Variants in KIF13A observed in about 807,000 individuals in gnomAD.
KIF13A encodes the protein kinesin-like protein KIF13A.
In KIF13A, 79 loss-of-function variants were observed where a neutral mutation model predicts 212.2. The ratio of observed to expected loss-of-function variants is 0.37; its 90% CI spans 0.31 to 0.45. KIF13A has a LOEUF of 0.45. KIF13A is among the 20% of genes least tolerant of loss of function. KIF13A has a pLI of 1.00. For missense variants in KIF13A, 1,901 were observed against 2,209.0 expected, an observed-to-expected ratio of 0.86 and a Z score of 2.79; for synonymous variants, 789 against 808.6, an observed-to-expected ratio of 0.98 and a Z score of 0.41.
intron 20 of KIF13A, among the ~76,000 whole-genome samples, chr6:17,801,697 G>A (rs1762486649): frequency 6.6e-6 from 1 of 152,108 alleles, no homozygotes; most frequent in African/African-American, 2.4e-5. Context: ...CAAGGTTCCC[G>A]GGCTCGCGCA....
intron 2 of KIF13A, among the ~76,000 whole-genome samples, chr6:17,965,124 G>C (rs567765083): frequency 2.6e-5 from 4 of 152,066 alleles, no homozygotes; most frequent in African/African-American, 9.7e-5. Context: ...CCACTGCACC[G>C]GGCCAGGATT....
intron 38 of KIF13A, among the ~76,000 whole-genome samples, chr6:17,767,493 G>A (rs1457951138): frequency 2.6e-5 from 4 of 152,094 alleles, no homozygotes; most frequent in Non-Finnish European, 4.4e-5. Context: ...GACCTCAGGC[G>A]ATCTGCCCGT....
intron 12 of KIF13A, among the ~76,000 whole-genome samples, chr6:17,832,543 C>G (rs143763367): frequency 0.062 from 9,427 of 152,064 alleles, 369 homozygotes; most frequent in Middle Eastern, 0.088. Context: ...GAGGCTGAGG[C>G]AGGAGAATAG....
chr6:17,865,885 AC>A (rs1480329618), intron 4 of KIF13A, among the ~76,000 whole-genome samples: 6 of 152,134 alleles, frequency 3.9e-5, no homozygotes, highest in African/African-American at 1.4e-4. Context: ...GGCACGGCTG[AC>A]TCATCCAGAT....
intron 3 of KIF13A, among the ~76,000 whole-genome samples, chr6:17,890,298 A>C (rs1420327924): frequency 6.6e-6 from 1 of 152,088 alleles, no homozygotes; most frequent in Non-Finnish European, 1.5e-5. Context: ...AAGGAGGAAG[A>C]ATTCTTTTTT....
chr6:17,837,931 C>A lies in KIF13A; in HGVS notation c.831-348G>T, dbSNP rs1021927623. 3.3e-5 allele frequency among the ~76,000 whole-genome samples: 5 copies of A among 151,852 alleles called. No homozygotes were observed. In the South Asian group the frequency reaches 1.0e-3, roughly 32 times the overall value. ...CTGTGCCACTGCACTGCAGCCTGGG[C>A]GACAGAGTGAGACTCTTTCAAAAAA... On this transcript the variant is annotated intron_variant, in intron 9 of 38. Coordinates refer to ENST00000259711, the MANE Select transcript of KIF13A (RefSeq NM_022113.6). This position sits in a 1 kb window ranked among gnomAD's most constrained non-coding sequence, Gnocchi z 5.4.
In KIF13A at chr6:17,914,116, G is replaced by C. The variant is rs573579215; in HGVS notation, c.147-15936C>G. ...AATGGTCCTTTATCACAGATGTTTC[G>C]AGAAGCACATAATCCAAGGCCATTT... On this transcript the variant is annotated intron_variant, in intron 2 of 38. Transcript: ENST00000259711. This position sits in a 1 kb window ranked among gnomAD's most constrained non-coding sequence, Gnocchi z 5.9. Among the ~76,000 whole-genome samples, 4 of 152,282 alleles carry C rather than the reference G, an allele frequency of 2.6e-5. No homozygotes were observed. The highest frequency in any genetic ancestry group is 2.1e-4 in the South Asian group (1 of 4,820).
chr6:17,819,063 G>A (rs1184229324), intron 16 of KIF13A, among the ~76,000 whole-genome samples: 3 of 146,092 alleles, frequency 2.1e-5, no homozygotes, highest in Non-Finnish European at 3.0e-5. Flanking sequence ...GCAGTGGCGC[G>A]ATCTCGGCTC....
intron 4 of KIF13A, among the ~76,000 whole-genome samples, chr6:17,862,392 T>G (rs546787449): frequency 6.6e-6 from 1 of 152,242 alleles, no homozygotes; most frequent in Non-Finnish European, 1.5e-5. Flanking sequence ...TATCATCTCT[T>G]AAGTCTTTAA....
chr6:17,814,178 C>G (rs1347629778), intron 17 of KIF13A, among the ~76,000 whole-genome samples: 2 of 151,324 alleles, frequency 1.3e-5, no homozygotes, highest in Non-Finnish European at 2.9e-5. Context: ...GTCTTGATCT[C>G]CTGACCTCGT....
In KIF13A at chr6:17,817,013, T is replaced by C. The variant is rs1401503656; in HGVS notation, c.2000+7A>G. 1 of 1,607,498 alleles carries C rather than the reference T, an allele frequency of 6.2e-7. No homozygotes were observed. The highest frequency in any genetic ancestry group is 8.5e-7 in the Non-Finnish European group (1 of 1,177,984). ...TGACTCTGGGCTGCCCCCGCTGCAG[T>C]TCTTACCTCTCTTCTGCCCACTGGG... On this transcript the variant is annotated splice_region_variant and intron_variant, in intron 17 of 38. Transcript: ENST00000259711.
downstream of KIF13A, among the ~76,000 whole-genome samples, chr6:17,761,524 T>C (rs750035403): frequency 4.6e-5 from 7 of 151,874 alleles, no homozygotes; most frequent in Non-Finnish European, 1.0e-4. Flanking sequence ...GCTGGGATTA[T>C]AGTCATGTGC....
Position 17,849,609 on chromosome 6 carries a change from A to C in KIF13A, c.718-120T>G, listed in dbSNP as rs1027980372. 3.3e-6 allele frequency: 2 copies of C among 607,640 alleles called. No homozygotes were observed. Among genetic ancestry groups the C allele is most frequent in the Admixed American group, 6.9e-5 (2 of 28,928 alleles). 37.6% of individuals were successfully genotyped at this position (607,640 alleles called of 1,614,324 possible). ...CCCACTCTCATATGGCAAATTTCTT[A>C]AGTTTTTAAACGGTCAGAAGAGTTA... On this transcript the variant is annotated intron_variant, in intron 8 of 38. Coordinates refer to ENST00000259711, the MANE Select transcript of KIF13A (RefSeq NM_022113.6). The surrounding 1 kb of genome is among the most constrained non-coding windows in gnomAD (Gnocchi z 5.7).
At chr6:17,943,225 T>C (rs1414405287) in intron 2 of KIF13A, among the ~76,000 whole-genome samples, 4 of 152,188 alleles carry the variant, frequency 2.6e-5, no homozygotes, top group Admixed American at 2.6e-4. Flanking sequence ...TCAATGTCTG[T>C]TTCTTTAAGG....
rs1277549584 is a variant in KIF13A, at chr6:17,934,809, A to T, written c.147-36629T>A. Reference sequence around the variant, plus strand: ...CTCCAAAAAAAAAAAAAAGACACTTAAAAATAATACTCTTGTGCTGTTTGT... The same window carrying T: ...CTCCAAAAAAAAAAAAAAGACACTTTAAAATAATACTCTTGTGCTGTTTGT... On this transcript the variant is annotated intron_variant, in intron 2 of 38. Coordinates refer to ENST00000259711, the MANE Select transcript of KIF13A (RefSeq NM_022113.6). The surrounding 1 kb of genome is among the most constrained non-coding windows in gnomAD (Gnocchi z 5.4). 2.0e-5 allele frequency among the ~76,000 whole-genome samples: 3 copies of T among 152,086 alleles called. No individual in the cohort carries two copies. The highest frequency in any genetic ancestry group is 6.6e-5 in the Admixed American group (1 of 15,252).
chr6:17,873,377 C>T lies in KIF13A; in HGVS notation c.220G>A (p.Gly74Ser), dbSNP rs1227765830. 4 of 1,593,060 alleles carry T rather than the reference C, an allele frequency of 2.5e-6. No homozygotes were observed. In the African/African-American group the frequency reaches 5.4e-5, roughly 21 times the overall value. Reference sequence around the variant, plus strand: ...TCAGGTGTAGAGGGAGAAAACTTACCAGCGTATTTTGTAGTGTTAGATTCA... The same window carrying T: ...TCAGGTGTAGAGGGAGAAAACTTACTAGCGTATTTTGTAGTGTTAGATTCA... Reference protein sequence around the residue: ...MDESNTTKYAGQEVVFKCLGE... With the variant: ...MDESNTTKYASQEVVFKCLGE... Residue 74 changes from glycine to serine, a missense_variant and splice_region_variant, in exon 4 of 39, where the codon GGT (glycine) becomes AGT (serine). Coordinates refer to ENST00000259711, the MANE Select transcript of KIF13A (RefSeq NM_022113.6).
chr6:17,887,467 T>C (rs900758112), intron 3 of KIF13A, among the ~76,000 whole-genome samples: 7 of 152,194 alleles, frequency 4.6e-5, no homozygotes, highest in Non-Finnish European at 1.0e-4. Context: ...TGCAGCCGTA[T>C]GAATTTCTTG....
At position 17,764,716 on chromosome 6, in the gene KIF13A, G is replaced by A. The variant is rs759882917; in HGVS notation, c.4812C>T (p.Ala1604=). ...SITSGYFSHS[A]SNATLSDMVV... ...CCATGTCAGACAGGGTGGCATTGGA[G>A]GCACTGTGGGAAAAGTAGCCACTGG... is the stretch of plus-strand genomic sequence containing the variant. The change falls in exon 39 of 39, where the codon GCC becomes GCT. Residue 1604 remains alanine (A), a synonymous_variant. Coordinates refer to ENST00000259711, the MANE Select transcript of KIF13A (RefSeq NM_022113.6). This position sits in a 1 kb window ranked among gnomAD's most constrained non-coding sequence, Gnocchi z 5.1. The A allele has an allele frequency of 1.2e-6, 2 of 1,613,276 alleles. No individual in the cohort carries two copies. The highest frequency in any genetic ancestry group is 1.7e-6 in the Non-Finnish European group (2 of 1,179,580).
chr6:17,863,152 G>A (rs994570992), intron 4 of KIF13A, among the ~76,000 whole-genome samples: 1 of 152,000 alleles, frequency 6.6e-6, no homozygotes, highest in Non-Finnish European at 1.5e-5. Flanking sequence ...TTTCTGAAAG[G>A]AACCAATTAT....
Sources: allele counts gnomAD v4.1 joint callset (sites outside exome capture counted in the v4.1 genomes callset), GRCh38; gene constraint gnomAD v4.1.1; non-coding constraint Gnocchi (gnomAD v3.1); transcripts MANE v1.5; gene names NCBI Gene and HGNC (gene_info 2026-07-23, HGNC 2026-07-21).